Variants in ADGRA2 observed in about 807,000 individuals in gnomAD.
ADGRA2 encodes G-protein coupled receptor 124.
In ADGRA2, 61 loss-of-function variants were observed where a neutral mutation model predicts 98.7. That is an observed-to-expected ratio of 0.62 (90% CI 0.50 to 0.76). ADGRA2 has a LOEUF of 0.76. Among genes scored for constraint, ADGRA2 ranks in the 30% least tolerant of loss-of-function variants. ADGRA2 has a pLI of 0.00. For synonymous variants in ADGRA2, 858 were observed against 831.5 expected, an observed-to-expected ratio of 1.03 and a Z score of -0.55; for missense variants, 1,712 against 1,860.0, an observed-to-expected ratio of 0.92 and a Z score of 1.46.
Position 37,797,629 on chromosome 8 carries a change from C to T in ADGRA2, c.266+95C>T, listed in dbSNP as rs1469197731. 1 of 1,141,734 alleles carries T rather than the reference C, an allele frequency of 8.8e-7. No individual in the cohort carries two copies. Among genetic ancestry groups the T allele is most frequent in the Non-Finnish European group, 1.1e-6 (1 of 885,302 alleles). 70.7% of individuals were successfully genotyped at this position (1,141,734 alleles called of 1,614,324 possible). A position where few individuals can be genotyped will look rare whatever the true frequency, so the allele number is the denominator to read the frequency against. On this transcript the variant is annotated intron_variant, in intron 1 of 18. Transcript: ENST00000412232. This position sits in a 1 kb window ranked among gnomAD's most constrained non-coding sequence, Gnocchi z 5.3. ...TGGGAGCAGGGGGAAGGGGGCTATC[C>T]CCCCACTTCAGAGATTTCTGGACAG...
Position 37,830,609 on chromosome 8 carries a change from G to GGCGGC in ADGRA2, c.719-99_719-98insGGCGC. 1.6e-6 allele frequency: 1 copy of GGCGGC among 613,320 alleles called. No homozygotes were observed. The allele number at this position is 613,320 out of a possible 1,614,324, so 38.0% of individuals were successfully genotyped here. A position where few individuals can be genotyped will look rare whatever the true frequency, so the allele number is the denominator to read the frequency against. ...CAGCTGGAGCAGGCTGCAGGCCGAG[G>GGCGGC]GCCCCGCCCCGCCCCACCCCATCCT... On this transcript the variant is annotated intron_variant, in intron 6 of 18. Coordinates refer to ENST00000412232, the MANE Select transcript of ADGRA2 (RefSeq NM_032777.10). This position sits in a 1 kb window ranked among gnomAD's most constrained non-coding sequence, Gnocchi z 4.8.
chr8:37,841,002 A>G lies in ADGRA2; in HGVS notation c.2748-84A>G. The G allele has an allele frequency of 1.5e-6, 2 of 1,367,584 alleles. No individual in the cohort carries two copies. The highest frequency in any genetic ancestry group is 2.0e-6 in the Non-Finnish European group (2 of 984,894). The allele number at this position is 1,367,584 out of a possible 1,614,324, so 84.7% of individuals were successfully genotyped here. On this transcript the variant is annotated intron_variant, in intron 18 of 18. Coordinates refer to ENST00000412232, the MANE Select transcript of ADGRA2 (RefSeq NM_032777.10). The surrounding 1 kb of genome is among the most constrained non-coding windows in gnomAD (Gnocchi z 5.0). ...CCGTCCTTGTCTCCGTACTCACCAT[A>G]TCCTGTCTCCCCAACCACCCCGGCC...
intron 1 of ADGRA2, among the ~76,000 whole-genome samples, chr8:37,801,567 A>T (rs1253010844): frequency 6.6e-6 from 1 of 152,214 alleles, no homozygotes; most frequent in East Asian, 1.9e-4. Context: ...GACTGTTTGT[A>T]GATAACTCCA....
At chr8:37,815,996 C>A (rs1413708310) in intron 2 of ADGRA2, among the ~76,000 whole-genome samples, 1 of 152,222 alleles carries the variant, frequency 6.6e-6, no homozygotes, top group Non-Finnish European at 1.5e-5. Flanking sequence ...GGGCCCTTGG[C>A]CCCTCTAGCG....
In ADGRA2 at chr8:37,844,725, GAATT is replaced by G; in HGVS notation, c.*2372_*2375del. 6.2e-7 allele frequency: 1 copy of G among 1,614,058 alleles called. No homozygotes were observed. Among genetic ancestry groups the G allele is most frequent in the Non-Finnish European group, 8.5e-7 (1 of 1,180,038 alleles). On this transcript the variant is annotated 3_prime_UTR_variant, in exon 19 of 19. Coordinates refer to ENST00000412232, the MANE Select transcript of ADGRA2 (RefSeq NM_032777.10). Reference sequence around the variant, plus strand: ...CCGCTTCCCCTGGGGTAAACCTAAGGAATTATTTCCCACCTCCCCTTCTCCTTGC... The same window carrying G: ...CCGCTTCCCCTGGGGTAAACCTAAGGATTTCCCACCTCCCCTTCTCCTTGC...
chr8:37,835,503 C>T, intron 12 of ADGRA2, 51 bp from the exon 13 acceptor site: 1 of 1,495,702 alleles, frequency 6.7e-7, no homozygotes, highest in Non-Finnish European at 9.3e-7. Context: ...TGCAAGACAT[C>T]AGTGCTCTAG....
chr8:37,830,660 C>A lies in ADGRA2; in HGVS notation c.719-50C>A. 8.7e-7 allele frequency: 1 copy of A among 1,148,486 alleles called. No homozygotes were observed. Among genetic ancestry groups the A allele is most frequent in the Non-Finnish European group, 1.3e-6 (1 of 789,798 alleles). 71.1% of individuals were successfully genotyped at this position (1,148,486 alleles called of 1,614,324 possible). On this transcript the variant is annotated intron_variant, in intron 6 of 18. Transcript: ENST00000412232. The surrounding 1 kb of genome is among the most constrained non-coding windows in gnomAD (Gnocchi z 4.8). Reference sequence around the variant, plus strand: ...GCTGGACTCTCGCTCACACGTGCAGCCTCACATGCGTGTGCACTCGGGCCT... The same window carrying A: ...GCTGGACTCTCGCTCACACGTGCAGACTCACATGCGTGTGCACTCGGGCCT...
rs139041191 is a variant in ADGRA2 at position 37,830,778 on chromosome 8, C to A, written c.787C>A (p.Arg263=). The A allele has an allele frequency of 1.9e-6, 3 of 1,598,810 alleles. No homozygotes were observed. The highest frequency in any genetic ancestry group is 2.6e-6 in the Non-Finnish European group (3 of 1,173,266). Residue 263 remains arginine (R), a synonymous_variant, in exon 7 of 19, where the codon CGG becomes AGG. Coordinates refer to ENST00000412232, the MANE Select transcript of ADGRA2 (RefSeq NM_032777.10). This position sits in a 1 kb window ranked among gnomAD's most constrained non-coding sequence, Gnocchi z 4.8. ...ACGCCAAGTGGTGTTCCAGGGGGAT[C>A]GGCTGCCCTTCCAGTGCTCTGCCAG... The part of the protein sequence containing the change: ...SLRQVVFQGD[R]LPFQCSASYL...
In ADGRA2 at chr8:37,829,170, C is replaced by T; in HGVS notation, c.411-91C>T. On this transcript the variant is annotated intron_variant, in intron 3 of 18. Coordinates refer to ENST00000412232, the MANE Select transcript of ADGRA2 (RefSeq NM_032777.10). ...TCTCCTTTTTCATCCCACCCCCCAA[C>T]ACAAGCCCTGGCCCCACCCATGTGT... The T allele has an allele frequency of 4.9e-6, 5 of 1,021,816 alleles. No homozygotes were observed. In the Admixed American group the frequency reaches 8.6e-5, roughly 18 times the overall value. The allele number at this position is 1,021,816 out of a possible 1,614,324, so 63.3% of individuals were successfully genotyped here. A position where few individuals can be genotyped will look rare whatever the true frequency, so the allele number is the denominator to read the frequency against.
In ADGRA2 at chr8:37,816,593, A is replaced by AACACACACAC. The variant is rs545433349; in HGVS notation, c.338+1659_338+1668dup. ...TGTGACAGAGCGAGACTCCGTCTCAAACACACACACACACACACACACACA... is the reference window on the plus strand; with the variant it reads ...TGTGACAGAGCGAGACTCCGTCTCAAACACACACACACACACACACACACACACACACACA... On this transcript the variant is annotated intron_variant, in intron 2 of 18. Coordinates refer to ENST00000412232, the MANE Select transcript of ADGRA2 (RefSeq NM_032777.10). Among the ~76,000 whole-genome samples, 300 of 131,380 alleles carry AACACACACAC rather than the reference A, an allele frequency of 2.3e-3. 1 individual carries two copies. The highest frequency in any genetic ancestry group is 7.2e-3 in the African/African-American group (247 of 34,178). The allele number at this position is 131,380 out of a possible 152,430, so 86.2% of individuals were successfully genotyped here.
In ADGRA2 at chr8:37,844,169, C is replaced by T. The variant is rs544745188; in HGVS notation, c.*1814C>T. ...GCCCCCTCAGGCCTGCAGGAGGAGC[C>T]GCAGCAGTGTGTCCAATTCAAACCA... is the stretch of plus-strand genomic sequence containing the variant. On this transcript the variant is annotated 3_prime_UTR_variant, in exon 19 of 19. Transcript: ENST00000412232. 9 of 305,890 alleles carry T rather than the reference C, an allele frequency of 2.9e-5. No homozygotes were observed. The highest frequency in any genetic ancestry group is 6.3e-5 in the African/African-American group (3 of 47,838). The allele number at this position is 305,890 out of a possible 1,614,324, so 18.9% of individuals were successfully genotyped here. A position where few individuals can be genotyped will look rare whatever the true frequency, so the allele number is the denominator to read the frequency against.
Position 37,841,055 on chromosome 8 carries a change from G to C in ADGRA2, c.2748-31G>C. ...CAGCCCCACCCCAGCCATGCCCCCT[G>C]TCCTCATCACTGCTTCTGTGTCTCC... On this transcript the variant is annotated intron_variant, in intron 18 of 18. Coordinates refer to ENST00000412232, the MANE Select transcript of ADGRA2 (RefSeq NM_032777.10). This position sits in a 1 kb window ranked among gnomAD's most constrained non-coding sequence, Gnocchi z 5.0. The C allele has an allele frequency of 6.4e-7, 1 of 1,563,574 alleles. No individual in the cohort carries two copies. The highest frequency in any genetic ancestry group is 8.7e-7 in the Non-Finnish European group (1 of 1,154,336).
chr8:37,833,858 A>G (rs1413509108), intron 10 of ADGRA2, 21 bp downstream of exon 10: 17 of 1,612,270 alleles, frequency 1.1e-5, no homozygotes, highest in Admixed American at 1.7e-5. Context: ...GCTGGAACTC[A>G]GGAGCTCGGA....
Position 37,842,025 on chromosome 8 carries a change from C to A in ADGRA2, c.3687C>A (p.Ser1229Arg). 1 of 1,519,748 alleles carries A rather than the reference C, an allele frequency of 6.6e-7. No individual in the cohort carries two copies. The highest frequency in any genetic ancestry group is 1.4e-5 in the African/African-American group (1 of 70,462). 94.1% of individuals were successfully genotyped at this position (1,519,748 alleles called of 1,614,324 possible). ...GTCTGCACAACAGCCCCACCGACAG[C>A]TACCTGGGCAGCAGCCGCAACAGCC... Reference protein sequence around the residue: ...SGSLHNSPTDSYLGSSRNSPG... With the variant: ...SGSLHNSPTDRYLGSSRNSPG... The change falls in exon 19 of 19, where the codon AGC becomes AGA. Residue 1229 changes from serine (S) to arginine (R), a missense_variant. Ser to Arg is a moderately radical substitution (Grantham distance 110). Coordinates refer to ENST00000412232, the MANE Select transcript of ADGRA2 (RefSeq NM_032777.10).
rs764095085 is a variant in ADGRA2, at chr8:37,839,009, C to T, written c.2313C>T (p.Pro771=). Residue 771 remains proline (P), a synonymous_variant, in exon 15 of 19, where the codon CCC becomes CCT. Transcript: ENST00000412232. ...GGGGCGCCGGGGCAGGGCTGCACCC[C>T]GTGGTATACCCCTGCACGGCCTTGC... is the stretch of plus-strand genomic sequence containing the variant. ...EVGGAGAGLH[P]VVYPCTALLL... is the part of the protein sequence containing the mutation. 38 of 1,598,520 alleles carry T rather than the reference C, an allele frequency of 2.4e-5. No homozygotes were observed. In the Admixed American group the frequency reaches 3.2e-4, roughly 14 times the overall value.
chr8:37,797,177 C>T lies in ADGRA2; in HGVS notation c.-92C>T. On this transcript the variant is annotated 5_prime_UTR_variant, in exon 1 of 19. Transcript: ENST00000412232. The surrounding 1 kb of genome is among the most constrained non-coding windows in gnomAD (Gnocchi z 5.3). Reference sequence around the variant, plus strand: ...CTCCACGCCCTCGGGAGCCCCGGGCCCCCGCTGAGCACTCCTCCCGCACGC... The same window carrying T: ...CTCCACGCCCTCGGGAGCCCCGGGCTCCCGCTGAGCACTCCTCCCGCACGC... 1 of 1,028,510 alleles carries T rather than the reference C, an allele frequency of 9.7e-7. No homozygotes were observed. 63.7% of individuals were successfully genotyped at this position (1,028,510 alleles called of 1,614,324 possible).
intron 2 of ADGRA2, among the ~76,000 whole-genome samples, chr8:37,820,452 G>T (rs1805097322): frequency 6.6e-6 from 1 of 152,206 alleles, no homozygotes; most frequent in Non-Finnish European, 1.5e-5. Flanking sequence ...CTCATCCAGG[G>T]TTAGGTGCCA....
chr8:37,813,179 A>G (rs1410211423), intron 1 of ADGRA2, among the ~76,000 whole-genome samples: 1 of 152,068 alleles, frequency 6.6e-6, no homozygotes, highest in African/African-American at 2.4e-5. Flanking sequence ...AGTGAGCTCT[A>G]ACTGTGCCAC....
At position 37,839,622 on chromosome 8, in the gene ADGRA2, G is replaced by A. The variant is rs143283233; in HGVS notation, c.2511G>A (p.Ala837=). 138 of 1,613,820 alleles carry A rather than the reference G, an allele frequency of 8.6e-5. 1 individual carries two copies. Among genetic ancestry groups the A allele is most frequent in the South Asian group, 4.3e-4 (39 of 91,058 alleles). Residue 837 remains alanine, a splice_region_variant and synonymous_variant, in exon 16 of 19, where the codon GCG becomes GCA. Transcript: ENST00000412232. ...TLTNYQMVCQ[A]VGITLHYSSL... ...CCAACTACCAGATGGTCTGCCAGGC[G>A]GTAAGCAGGAGAAGGGGCTCTGGGG...
Sources: gnomAD v4.1 joint callset for allele counts (sites outside exome capture counted in the v4.1 genomes callset) on GRCh38, gnomAD v4.1.1 for gene constraint, Gnocchi (gnomAD v3.1) non-coding constraint, MANE v1.5 for transcripts, NCBI Gene and HGNC (gene_info 2026-07-23, HGNC 2026-07-21) for gene names.